Variants in DST observed in about 807,000 individuals in gnomAD.
DST encodes the protein dystonin, also known as bullous pemphigoid antigen.
DST carries 253 observed loss-of-function variants against 875.2 expected under a neutral mutation model. That is an observed-to-expected ratio of 0.29 (90% confidence interval 0.26 to 0.32). DST has a LOEUF of 0.32. DST is among the 10% of genes least tolerant of loss of function. DST has a pLI of 1.00. For synonymous variants in DST, 3,124 were observed against 3,197.1 expected (o/e 0.98, Z 0.77); for missense variants, 8,287 against 9,111.6 (o/e 0.91, Z 3.68).
intron 4 of DST, among the ~76,000 whole-genome samples, chr6:56,846,287 G>A (rs1288742588): frequency 6.6e-6 from 1 of 152,166 alleles, no homozygotes; most frequent in Non-Finnish European, 1.5e-5. Context: ...GGAAACTGAG[G>A]CTAAGATAAG....
chr6:56,852,416 G>T (rs1383709371), intron 3 of DST, among the ~76,000 whole-genome samples: 1 of 152,192 alleles, frequency 6.6e-6, no homozygotes, highest in East Asian at 1.9e-4. Context: ...TCAGCTCCTG[G>T]TCATTACACA....
At chr6:56,836,850 CA>C (rs1362120373) in intron 4 of DST, among the ~76,000 whole-genome samples, 125 of 74,374 alleles carry the variant, frequency 1.7e-3, no homozygotes, top group Admixed American at 2.3e-3. Context: ...GACTCCATCT[CA>C]AAAAAAAAAA....
Position 56,893,581 on chromosome 6 carries a change from T to A in DST, c.417+6840A>T, listed in dbSNP as rs1260062128. ...TTAGTTCTTTTTTTTTTTTTTTTTTTTTTTTTATTTTTTTTTATTTTTTAT... is the reference window on the plus strand; with the variant it reads ...TTAGTTCTTTTTTTTTTTTTTTTTTATTTTTTATTTTTTTTTATTTTTTAT... On this transcript the variant is annotated intron_variant, in intron 3 of 103. Transcript: ENST00000680361. Among the ~76,000 whole-genome samples, 115 of 87,054 alleles carry A rather than the reference T, an allele frequency of 1.3e-3. 2 individuals carry two copies. Among genetic ancestry groups the A allele is most frequent in the Non-Finnish European group, 2.1e-3 (88 of 42,908 alleles). 57.1% of individuals were successfully genotyped at this position (87,054 alleles called of 152,430 possible). A position where few individuals can be genotyped will look rare whatever the true frequency, so the allele number is the denominator to read the frequency against.
At chr6:56,867,565 T>C (rs1774772051) in intron 3 of DST, among the ~76,000 whole-genome samples, 1 of 152,234 alleles carries the variant, frequency 6.6e-6, no homozygotes, top group South Asian at 2.1e-4. Context: ...CTCATGCCTG[T>C]AATCCCAGCA....
At chr6:56,477,595 A>G (rs2095251534) in intron 90 of DST, 107 bp from the exon 91 acceptor site, 2 of 1,405,696 alleles carry the variant, frequency 1.4e-6, no homozygotes, top group Non-Finnish European at 2.0e-6. Flanking sequence ...AAAAACTTCA[A>G]TTGGTTTATT....
At position 56,665,302 on chromosome 6, in the gene DST, ATTAG is replaced by A. The variant is rs146705263; in HGVS notation, c.1214+5335_1214+5338del. On this transcript the variant is annotated intron_variant, in intron 10 of 103. Coordinates refer to ENST00000680361, the MANE Select transcript of DST (RefSeq NM_001374736.1). ...TAAGGTTAAATAATTTTGGTAACTA[ATTAG>A]TTAAACAACTAAATTAAACCCTCAT... Among the ~76,000 whole-genome samples the A allele has an allele frequency of 8.9e-3, 1,351 of 152,204 alleles. 18 individuals are homozygous for A. Among genetic ancestry groups the A allele is most frequent in the African/African-American group, 0.031 (1,281 of 41,508 alleles).
intron 36 of DST, chr6:56,619,500 G>T (rs761229102): frequency 6.2e-7 from 1 of 1,611,872 alleles, no homozygotes; most frequent in Admixed American, 1.7e-5. Context: ...TTCTCATCTC[G>T]AAAAGAATGA....
In DST at chr6:56,880,884, T is replaced by TA. The variant is rs1781851281; in HGVS notation, c.417+19536_417+19537insT. 2.2e-5 allele frequency among the ~76,000 whole-genome samples: 3 copies of TA among 138,634 alleles called. No individual in the cohort carries two copies. In the South Asian group the frequency reaches 8.0e-4, roughly 37 times the overall value. The allele number at this position is 138,634 out of a possible 152,430, so 90.9% of individuals were successfully genotyped here. A position where few individuals can be genotyped will look rare whatever the true frequency, so the allele number is the denominator to read the frequency against. On this transcript the variant is annotated intron_variant, in intron 3 of 103. Coordinates refer to ENST00000680361, the MANE Select transcript of DST (RefSeq NM_001374736.1). ...TTTTTTTGAGACAGAGTCTTTGCTC[T>TA]GTTGCCAGGCTAGAGTGCAGCGGCA...
chr6:56,637,965 G>A (rs908576894), intron 22 of DST, among the ~76,000 whole-genome samples: 1 of 151,784 alleles, frequency 6.6e-6, no homozygotes, highest in Non-Finnish European at 1.5e-5. Context: ...TATAAAAGAT[G>A]TATCATATTT....
At chr6:56,764,428 C>T (rs758282429) in intron 4 of DST, among the ~76,000 whole-genome samples, 4 of 152,138 alleles carry the variant, frequency 2.6e-5, no homozygotes, top group Non-Finnish European at 4.4e-5. Flanking sequence ...GCTTGATTTT[C>T]TACACTCCCT....
intron 2 of DST, among the ~76,000 whole-genome samples, chr6:56,936,901 A>G (rs2127774714): frequency 6.6e-6 from 1 of 152,368 alleles, no homozygotes; most frequent in Non-Finnish European, 1.5e-5. Flanking sequence ...ATAAAAGTAA[A>G]GAAGTGGAAT....
intron 3 of DST, among the ~76,000 whole-genome samples, chr6:56,898,213 C>G (rs1457871055): frequency 6.6e-6 from 1 of 152,160 alleles, no homozygotes; most frequent in Non-Finnish European, 1.5e-5. Context: ...AAACTAAGGG[C>G]ACCTCACTCT....
chr6:56,784,860 T>C (rs975823954), intron 4 of DST, among the ~76,000 whole-genome samples: 2 of 152,224 alleles, frequency 1.3e-5, no homozygotes, highest in Admixed American at 1.3e-4. Flanking sequence ...TATGGTTTTA[T>C]CCGCTTTTGG....
In DST at chr6:56,506,648, ATAAG is replaced by A. The variant is rs768180134; in HGVS notation, c.19362+15_19362+18del. ...TAAAAACTTTTTAAAAGCCATTCTGATAAGTAAGCCAGTTGTACCTCATCTATAC... is the reference window on the plus strand; with the variant it reads ...TAAAAACTTTTTAAAAGCCATTCTGATAAGCCAGTTGTACCTCATCTATAC... On this transcript the variant is annotated intron_variant, in intron 76 of 103. Coordinates refer to ENST00000680361, the MANE Select transcript of DST (RefSeq NM_001374736.1). The A allele has an allele frequency of 1.8e-5, 29 of 1,613,014 alleles. No homozygotes were observed. The Admixed American group carries it at 2.0e-4, about 11-fold the overall frequency.
Position 56,614,407 on chromosome 6 carries a change from C to T in DST, c.5007G>A (p.Lys1669=). Residue 1669 remains lysine, a synonymous_variant, in exon 37 of 104, where the codon AAG becomes AAA. Transcript: ENST00000680361. ...ELQKWVSNIS[K]TLKDAEKAGK... ...CAGCCTTCTCTGCATCTTTCAATGT[C>T]TTGCTGATATTTGATACCCATTTTT... 2 of 1,610,392 alleles carry T rather than the reference C, an allele frequency of 1.2e-6. No homozygotes were observed. The highest frequency in any genetic ancestry group is 1.7e-6 in the Non-Finnish European group (2 of 1,178,320).
At chr6:56,689,979 G>A (rs535181077) in intron 9 of DST, among the ~76,000 whole-genome samples, 13 of 152,128 alleles carry the variant, frequency 8.5e-5, no homozygotes, top group Non-Finnish European at 1.9e-4. Flanking sequence ...CTTGAAAAAG[G>A]TACAAACACT....
intron 4 of DST, among the ~76,000 whole-genome samples, chr6:56,750,534 C>T (rs1031446620): frequency 3.3e-5 from 5 of 152,144 alleles, no homozygotes; most frequent in Non-Finnish European, 7.4e-5. Flanking sequence ...TCCACAGTCC[C>T]TCCTATCTAT....
At chr6:56,804,633 A>G (rs975033824) in intron 4 of DST, among the ~76,000 whole-genome samples, 1 of 152,176 alleles carries the variant, frequency 6.6e-6, no homozygotes, top group Non-Finnish European at 1.5e-5. Context: ...CACGCTAAAG[A>G]AGTTCCATTA....
intron 4 of DST, among the ~76,000 whole-genome samples, chr6:56,768,912 T>C (rs1424269424): frequency 6.6e-6 from 1 of 151,894 alleles, no homozygotes; most frequent in Non-Finnish European, 1.5e-5. Context: ...CTACTAAAAA[T>C]ACAAAACTTA....
Sources: gnomAD v4.1 joint callset for allele counts (sites outside exome capture counted in the v4.1 genomes callset) on GRCh38, gnomAD v4.1.1 for gene constraint, MANE v1.5 for transcripts, NCBI Gene and HGNC (gene_info 2026-07-23, HGNC 2026-07-21) for gene names.